The following SPTBN1 variants were observed in gnomAD, a reference collection of about 807,000 sequenced individuals.
The protein encoded by SPTBN1 is spectrin beta chain, non-erythrocytic 1.
In SPTBN1, 32 loss-of-function variants were observed where a neutral mutation model predicts 266.4. The ratio of observed to expected loss-of-function variants is 0.12; its 90% CI spans 0.09 to 0.16. The LOEUF is 0.16. Ranked by LOEUF, SPTBN1 falls within the 10% of genes least tolerant of loss-of-function variation. The probability of loss-of-function intolerance (pLI) is 1.00; values close to 1 mark genes in which losing one functional copy is unlikely to be tolerated. For missense variants in SPTBN1, 2,296 were observed against 3,067.1 expected (o/e 0.75, Z 5.94); for synonymous variants, 1,336 against 1,162.2 (o/e 1.15, Z -3.04).
At chr2:54,635,284 A>T (rs536246624) in intron 17 of SPTBN1, among the ~76,000 whole-genome samples, 1 of 152,318 alleles carries the variant, frequency 6.6e-6, no homozygotes, top group Admixed American at 6.5e-5. Context: ...CTTCCCACGA[A>T]TGATGTCCGT....
intron 3 of SPTBN1, among the ~76,000 whole-genome samples, chr2:54,600,425 CACTAGACAA>C (rs1676422715): frequency 6.6e-6 from 1 of 152,112 alleles, no homozygotes; most frequent in African/African-American, 2.4e-5. Context: ...TTGTCGGTCA[CACTAGACAA>C]ACTAGACAAA....
chr2:54,471,111 G>A (rs918205873), intron 1 of SPTBN1, among the ~76,000 whole-genome samples: 4 of 152,124 alleles, frequency 2.6e-5, no homozygotes, highest in Admixed American at 2.6e-4. Context: ...GGATTAGGTG[G>A]GGTGGCTCAT....
At chr2:54,535,996 G>C (rs1415972780) in intron 2 of SPTBN1, among the ~76,000 whole-genome samples, 1 of 152,214 alleles carries the variant, frequency 6.6e-6, no homozygotes, top group African/African-American at 2.4e-5. Context: ...CTCCAGCCTG[G>C]CTGGGTGACA....
intron 3 of SPTBN1, among the ~76,000 whole-genome samples, chr2:54,606,742 A>G (rs1000726961): frequency 2.0e-5 from 3 of 152,164 alleles, no homozygotes; most frequent in Non-Finnish European, 2.9e-5. Flanking sequence ...TGGCGGGGAG[A>G]GCTGCTCCAC....
intron 15 of SPTBN1, 151 bp downstream of exon 15, chr2:54,630,180 T>C (rs940207503): frequency 1.9e-6 from 2 of 1,077,396 alleles, no homozygotes; most frequent in African/African-American, 3.2e-5. Context: ...CCTTTTGACA[T>C]GTCCTTGTTT....
chr2:54,600,263 A>T (rs1270449706), intron 3 of SPTBN1, among the ~76,000 whole-genome samples: 7 of 152,164 alleles, frequency 4.6e-5, no homozygotes, highest in Non-Finnish European at 2.9e-5. Flanking sequence ...CTGGGTTGAA[A>T]TGGAGCCAGA....
At chr2:54,485,204 C>T (rs1372206852) in intron 1 of SPTBN1, among the ~76,000 whole-genome samples, 1 of 152,124 alleles carries the variant, frequency 6.6e-6, no homozygotes, top group Non-Finnish European at 1.5e-5. Flanking sequence ...CTCGGTCTCC[C>T]TCTCCCTCTC....
chr2:54,525,495 A>C lies in SPTBN1; in HGVS notation c.-47-877A>C, dbSNP rs535311333. Among the ~76,000 whole-genome samples the C allele has an allele frequency of 1.6e-3, 250 of 152,230 alleles. 10 individuals carry two copies. The South Asian group carries it at 0.047, about 29-fold the overall frequency. On this transcript the variant is annotated intron_variant, in intron 1 of 35. Coordinates refer to ENST00000356805, the MANE Select transcript of SPTBN1 (RefSeq NM_003128.3). ...GTGATCCGCCCGCCTCAGCCTCCCA[A>C]AGTGCTGGGATTAGAGGCGTGAGTC...
intron 1 of SPTBN1, among the ~76,000 whole-genome samples, chr2:54,486,131 G>A (rs1668368410): frequency 1.3e-5 from 2 of 149,622 alleles, no homozygotes; most frequent in Non-Finnish European, 3.0e-5. Flanking sequence ...CAGCCGCCCC[G>A]TCTGGGAGGT....
At chr2:54,588,188 C>T (rs565535377) in intron 2 of SPTBN1, among the ~76,000 whole-genome samples, 54 of 152,262 alleles carry the variant, frequency 3.5e-4, no homozygotes, top group African/African-American at 1.2e-3. Context: ...TCAGCCTCCT[C>T]CCCTTCCTCT....
rs900899471 is a variant in SPTBN1 at position 54,645,860 on chromosome 2, A to C, written c.4495-68A>C. The C allele has an allele frequency of 1.3e-6, 2 of 1,560,042 alleles. No individual in the cohort carries two copies. The highest frequency in any genetic ancestry group is 1.7e-5 in the Admixed American group (1 of 59,584). ...CCCTTGCTGTCCCTCACTGCCCCTC[A>C]CTGCTCGTTTGTGTCGTATATTTGT... On this transcript the variant is annotated intron_variant, in intron 21 of 35. Coordinates refer to ENST00000356805, the MANE Select transcript of SPTBN1 (RefSeq NM_003128.3). This position sits in a 1 kb window ranked among gnomAD's most constrained non-coding sequence, Gnocchi z 4.3.
rs770208658 is a variant in SPTBN1 at position 54,626,035 on chromosome 2, T to C, written c.1445T>C (p.Val482Ala). ...AAYEERVQAVVAVARELEAEN... is the reference protein window; with the variant it reads ...AAYEERVQAVAAVARELEAEN... ...TACGAGGAGCGTGTGCAGGCTGTGG[T>C]AGCCGTGGCCAGGGAGCTCGAGGCC... The change falls in exon 12 of 36, where the codon GTA (valine) becomes GCA (alanine). Residue 482 changes from valine to alanine, a missense_variant. This residue lies in a region of SPTBN1 where 434 missense variants were observed against 573.9 expected (regional missense o/e 0.76). Transcript: ENST00000356805. The surrounding 1 kb of genome is among the most constrained non-coding windows in gnomAD (Gnocchi z 4.7). 7.4e-6 allele frequency: 12 copies of C among 1,614,064 alleles called. No homozygotes were observed. Among genetic ancestry groups the C allele is most frequent in the African/African-American group, 4.0e-5 (3 of 74,906 alleles).
In SPTBN1 at chr2:54,483,808, C is replaced by T. The variant is rs80285885; in HGVS notation, c.-48+27290C>T. 6.1e-3 allele frequency among the ~76,000 whole-genome samples: 933 copies of T among 152,222 alleles called. 10 individuals carry two copies. The highest frequency in any genetic ancestry group is 0.021 in the African/African-American group (880 of 41,522). On this transcript the variant is annotated intron_variant, in intron 1 of 35. Transcript: ENST00000356805. ...GTTTTGTCATTGTCTGCTGTTAAACCAGGGTGAAGTTTAAGTGCCTGTTGC... is the reference window on the plus strand; with the variant it reads ...GTTTTGTCATTGTCTGCTGTTAAACTAGGGTGAAGTTTAAGTGCCTGTTGC...
intron 3 of SPTBN1, 97 bp downstream of exon 3, chr2:54,599,340 G>C (rs1676319339): frequency 1.4e-6 from 2 of 1,429,994 alleles, no homozygotes; most frequent in East Asian, 4.6e-5. Flanking sequence ...TGCACTTAAT[G>C]GTTGATAGTT....
chr2:54,559,441 A>G (rs1266304915), intron 2 of SPTBN1, among the ~76,000 whole-genome samples: 1 of 152,222 alleles, frequency 6.6e-6, no homozygotes, highest in East Asian at 1.9e-4. Flanking sequence ...AGTGGGCTAT[A>G]TAATTTCTAA....
At chr2:54,651,740 G>T (rs940899202) in intron 26 of SPTBN1, among the ~76,000 whole-genome samples, 2 of 152,168 alleles carry the variant, frequency 1.3e-5, no homozygotes, top group African/African-American at 4.8e-5. Context: ...GGTTCATTGT[G>T]TAGGAAAATT....
At chr2:54,480,796 T>G (rs1196727523) in intron 1 of SPTBN1, among the ~76,000 whole-genome samples, 2 of 152,226 alleles carry the variant, frequency 1.3e-5, no homozygotes, top group Non-Finnish European at 2.9e-5. Flanking sequence ...CTTTGAGAAC[T>G]TATTGGCTGT....
chr2:54,659,328 G>C lies in SPTBN1; in HGVS notation c.6356+62G>C. ...CTCGGTGGCCAATGAGGTTTATGGG[G>C]CATCTTTCTGAAGCCTTGCATTGCT... On this transcript the variant is annotated intron_variant, in intron 31 of 35. Coordinates refer to ENST00000356805, the MANE Select transcript of SPTBN1 (RefSeq NM_003128.3). The C allele has an allele frequency of 3.3e-6, 5 of 1,522,440 alleles. No individual in the cohort carries two copies. The South Asian group carries it at 5.6e-5, about 17-fold the overall frequency. The allele number at this position is 1,522,440 out of a possible 1,614,324, so 94.3% of individuals were successfully genotyped here. A position where few individuals can be genotyped will look rare whatever the true frequency, so the allele number is the denominator to read the frequency against.
chr2:54,623,692 G>C, intron 10 of SPTBN1, 96 bp downstream of exon 10: 1 of 1,004,042 alleles, frequency 1.0e-6, no homozygotes, highest in South Asian at 1.7e-5. Context: ...GAGACTGGAA[G>C]GGGCTGTCCC....
Sources: gnomAD v4.1 joint callset for allele counts (sites outside exome capture counted in the v4.1 genomes callset) on GRCh38, gnomAD v4.1.1 for gene constraint, gnomAD v4.1.1 regional missense constraint, Gnocchi (gnomAD v3.1) non-coding constraint, MANE v1.5 for transcripts, NCBI Gene and HGNC (gene_info 2026-07-23, HGNC 2026-07-21) for gene names.